Variants in GRIK3 observed in about 807,000 individuals in gnomAD.
GRIK3 encodes glutamate receptor ionotropic, kainate 3.
A neutral mutation model predicts 102.5 loss-of-function variants in GRIK3; 29 were observed. The ratio of observed to expected loss-of-function variants is 0.28; its 90% CI spans 0.21 to 0.39. GRIK3 has a LOEUF of 0.39. GRIK3 is among the 10% of genes least tolerant of loss of function. The pLI is 1.00. For synonymous variants in GRIK3, 511 were observed against 504.9 expected (o/e 1.01, Z -0.16); for missense variants, 908 against 1,252.4 (o/e 0.73, Z 4.15).
intron 3 of GRIK3, among the ~76,000 whole-genome samples, chr1:36,879,612 C>T (rs1333449583): frequency 6.6e-6 from 1 of 152,162 alleles, no homozygotes; most frequent in Non-Finnish European, 1.5e-5. Context: ...CTCTAAGGGC[C>T]TGGGACTTGA....
chr1:36,909,529 G>A (rs1036239040), intron 1 of GRIK3, among the ~76,000 whole-genome samples: 1 of 152,092 alleles, frequency 6.6e-6, no homozygotes. Context: ...TCGAACTCTT[G>A]ACCTCAAGTG....
chr1:36,955,268 C>G (rs1276573236), intron 1 of GRIK3, among the ~76,000 whole-genome samples: 2 of 152,176 alleles, frequency 1.3e-5, no homozygotes, highest in Non-Finnish European at 2.9e-5. Flanking sequence ...ACCCTGCCAG[C>G]AGGACAGGAA....
intron 15 of GRIK3, among the ~76,000 whole-genome samples, chr1:36,802,675 G>A (rs1007161572): frequency 2.0e-5 from 3 of 152,186 alleles, no homozygotes; most frequent in African/African-American, 4.8e-5. Flanking sequence ...AGAGCGCAGC[G>A]TTTCCCGCAG....
chr1:36,888,251 C>T (rs779438385), intron 2 of GRIK3, among the ~76,000 whole-genome samples: 5 of 152,116 alleles, frequency 3.3e-5, no homozygotes, highest in African/African-American at 4.8e-5. Flanking sequence ...GACAATCTCA[C>T]GGATACGAGA....
intron 9 of GRIK3, among the ~76,000 whole-genome samples, 195 bp from the exon 10 acceptor site, chr1:36,842,134 T>C (rs1640461609): frequency 6.6e-6 from 1 of 152,176 alleles, no homozygotes; most frequent in Non-Finnish European, 1.5e-5. Context: ...CATGAATGGC[T>C]ACCTGGTACA....
chr1:37,021,140 G>A (rs1642709085), intron 1 of GRIK3, among the ~76,000 whole-genome samples: 1 of 151,758 alleles, frequency 6.6e-6, no homozygotes, highest in African/African-American at 2.4e-5. Flanking sequence ...GAGAGAGAGA[G>A]AGAGAGAGAG....
At chr1:36,997,560 T>C (rs1425653485) in intron 1 of GRIK3, among the ~76,000 whole-genome samples, 1 of 152,144 alleles carries the variant, frequency 6.6e-6, no homozygotes, top group Admixed American at 6.5e-5. Flanking sequence ...TGGGTCAGGT[T>C]GCAACCACAT....
In GRIK3 at chr1:36,893,342, C is replaced by T. The variant is rs555429286; in HGVS notation, c.116-2246G>A. On this transcript the variant is annotated intron_variant, in intron 1 of 15. Coordinates refer to ENST00000373091, the MANE Select transcript of GRIK3 (RefSeq NM_000831.4). ...AAGCTCTTAAATTCTACAAAAAGGA[C>T]GAATACTCCCATAGAAAAATGTGCA... is the stretch of plus-strand genomic sequence containing the variant. Among the ~76,000 whole-genome samples the T allele has an allele frequency of 2.0e-4, 30 of 152,086 alleles. No homozygotes were observed. The South Asian group carries it at 4.2e-3, about 21-fold the overall frequency.
At chr1:36,975,625 A>G (rs1173519672) in intron 1 of GRIK3, among the ~76,000 whole-genome samples, 1 of 152,232 alleles carries the variant, frequency 6.6e-6, no homozygotes, top group Non-Finnish European at 1.5e-5. Context: ...AATGAGAAGT[A>G]AATGATCATG....
intron 13 of GRIK3, among the ~76,000 whole-genome samples, chr1:36,809,381 A>G (rs1207604148): frequency 1.3e-5 from 2 of 151,972 alleles, no homozygotes; most frequent in Admixed American, 6.6e-5. Flanking sequence ...CCATCCATCC[A>G]TCCGTCTGTT....
intron 3 of GRIK3, among the ~76,000 whole-genome samples, chr1:36,879,095 C>A (rs1640938627): frequency 1.3e-5 from 2 of 152,020 alleles, no homozygotes; most frequent in South Asian, 4.2e-4. Flanking sequence ...TATGGCAGAC[C>A]ATTAGCTCTC....
At chr1:36,899,955 G>A (rs1641217445) in intron 1 of GRIK3, among the ~76,000 whole-genome samples, 2 of 152,198 alleles carry the variant, frequency 1.3e-5, no homozygotes, top group African/African-American at 4.8e-5. Flanking sequence ...TCTACTAGGA[G>A]ACTTCAACAC....
intron 1 of GRIK3, among the ~76,000 whole-genome samples, chr1:36,955,342 T>C (rs1641893804): frequency 6.6e-6 from 1 of 152,118 alleles, no homozygotes; most frequent in Non-Finnish European, 1.5e-5. Context: ...CAAACTGTGC[T>C]TCCCCGTCCA....
At position 36,902,785 on chromosome 1, in the gene GRIK3, T is replaced by A. The variant is rs532873; in HGVS notation, c.116-11689A>T. Among the ~76,000 whole-genome samples the A allele has an allele frequency of 1.9e-3, 296 of 152,196 alleles. 2 individuals carry two copies. The highest frequency in any genetic ancestry group is 3.2e-3 in the Non-Finnish European group (217 of 68,016). ...TGAAGCCACTGACTGGGACATATCT[T>A]ATGATGGACTACTTTTTTTTTTGAA... On this transcript the variant is annotated intron_variant, in intron 1 of 15. Coordinates refer to ENST00000373091, the MANE Select transcript of GRIK3 (RefSeq NM_000831.4).
chr1:36,805,045 A>G lies in GRIK3; in HGVS notation c.2507T>C (p.Val836Ala). 3 of 1,614,186 alleles carry G rather than the reference A, an allele frequency of 1.9e-6. No individual in the cohort carries two copies. Among genetic ancestry groups the G allele is most frequent in the Non-Finnish European group, 2.5e-6 (3 of 1,180,022 alleles). Residue 836 changes from valine to alanine, a missense_variant, in exon 15 of 16, where the codon GTG becomes GCG. By Grantham distance (64) the Val-to-Ala change is moderately conservative. Around this residue, in one of 3 missense-constraint regions of GRIK3, gnomAD observed 297 missense variants for 362.7 expected, o/e 0.82. Coordinates refer to ENST00000373091, the MANE Select transcript of GRIK3 (RefSeq NM_000831.4). ...CACAAACTCGCCCACGGCCACCAGC[A>G]CAGAGAGGACCAGCCCGGCGGCCAG... Reference protein sequence around the residue: ...IVLAAGLVLSVLVAVGEFVYK... With the variant: ...IVLAAGLVLSALVAVGEFVYK...
At chr1:36,969,279 A>T (rs920779658) in intron 1 of GRIK3, among the ~76,000 whole-genome samples, 1 of 152,152 alleles carries the variant, frequency 6.6e-6, no homozygotes, top group Non-Finnish European at 1.5e-5. Flanking sequence ...GAAACCAGCA[A>T]GGGGCTGTGT....
At chr1:37,030,652 C>A (rs1285691521) in intron 1 of GRIK3, among the ~76,000 whole-genome samples, 1 of 151,346 alleles carries the variant, frequency 6.6e-6, no homozygotes, top group Non-Finnish European at 1.5e-5. Flanking sequence ...CCTCAACACA[C>A]AGAAGAGCTG....
intron 9 of GRIK3, 31 bp from the exon 10 acceptor site, chr1:36,841,970 A>T: frequency 6.3e-7 from 1 of 1,577,102 alleles, no homozygotes. Context: ...GGTGTGACGA[A>T]GACTGAGCAG....
rs1313954233 is a variant in GRIK3, at chr1:36,872,420, G to A, written c.551-51C>T. On this transcript the variant is annotated intron_variant, in intron 3 of 15. Transcript: ENST00000373091. The surrounding 1 kb of genome is among the most constrained non-coding windows in gnomAD (Gnocchi z 5.9). ...CACACGTGTACCACATGTATCCACA[G>A]CTCCAGGCATCCACTTGGACTTGTG... is the stretch of plus-strand genomic sequence containing the variant. 14 of 1,402,258 alleles carry A rather than the reference G, an allele frequency of 1.0e-5. No individual in the cohort carries two copies. Among genetic ancestry groups the A allele is most frequent in the Non-Finnish European group, 1.4e-5 (14 of 1,027,714 alleles). 86.9% of individuals were successfully genotyped at this position (1,402,258 alleles called of 1,614,324 possible). A position where few individuals can be genotyped will look rare whatever the true frequency, so the allele number is the denominator to read the frequency against.
Sources: gnomAD v4.1 joint callset for allele counts (sites outside exome capture counted in the v4.1 genomes callset) on GRCh38, gnomAD v4.1.1 for gene constraint, gnomAD v4.1.1 regional missense constraint, Gnocchi (gnomAD v3.1) non-coding constraint, MANE v1.5 for transcripts, NCBI Gene and HGNC (gene_info 2026-07-23, HGNC 2026-07-21) for gene names.